NCR3LG1: variants seen among roughly 807,000 people sequenced by gnomAD.
NCR3LG1 encodes natural killer cell cytotoxicity receptor 3 ligand 1.
In NCR3LG1, 35 loss-of-function variants were observed where a neutral mutation model predicts 34.8. The observed-to-expected ratio is 1.01, with a 90% CI of 0.77 to 1.33. NCR3LG1 has a LOEUF of 1.33. NCR3LG1 is among the 40% of genes most tolerant of loss of function. NCR3LG1 has a pLI of 0.00. For synonymous variants in NCR3LG1, 173 were observed against 163.6 expected, an observed-to-expected ratio of 1.06 and a Z score of -0.44; for missense variants, 452 against 423.3, an observed-to-expected ratio of 1.07 and a Z score of -0.60.
rs1953410770 is a variant in NCR3LG1 at position 17,372,019 on chromosome 11, C to A, written c.872C>A (p.Ser291Ter). ...CTCTTTTTCTAGATATGTAACAAAT[C>A]ATCTTCAGCCTATACTCCTCTCAAG... is the stretch of plus-strand genomic sequence containing the variant. ...LIPWKKICNKSSSAYTPLKCI... is the reference protein window; with the variant it reads ...LIPWKKICNK The change falls in exon 5 of 5, where the codon TCA (serine) becomes TAA (stop). Residue 291 changes from serine to a stop codon, truncating the protein, a stop_gained. Transcript: ENST00000338965. LOFTEE classifies it high-confidence loss of function. The A allele has an allele frequency of 1.4e-6, 1 of 698,842 alleles. No homozygotes were observed. Among genetic ancestry groups the A allele is most frequent in the South Asian group, 1.5e-5 (1 of 67,436 alleles). 43.3% of individuals were successfully genotyped at this position (698,842 alleles called of 1,614,324 possible).
downstream of NCR3LG1, among the ~76,000 whole-genome samples, chr11:17,377,898 G>C (rs1953491570): frequency 6.6e-6 from 1 of 152,190 alleles, no homozygotes. Context: ...GCTGAACAAA[G>C]AGGTCTATCA....
chr11:17,380,542 G>C (rs1309168144), downstream of NCR3LG1: 1 of 151,990 alleles, frequency 6.6e-6, no homozygotes, highest in Non-Finnish European at 1.5e-5. Context: ...CCAGAGTGCA[G>C]TGGCACAATC....
At position 17,372,187 on chromosome 11, in the gene NCR3LG1, C is replaced by T; in HGVS notation, c.1040C>T (p.Thr347Ile). 1.4e-6 allele frequency: 1 copy of T among 702,982 alleles called. No homozygotes were observed. Among genetic ancestry groups the T allele is most frequent in the Non-Finnish European group, 2.6e-6 (1 of 385,008 alleles). The allele number at this position is 702,982 out of a possible 1,614,324, so 43.5% of individuals were successfully genotyped here. A position where few individuals can be genotyped will look rare whatever the true frequency, so the allele number is the denominator to read the frequency against. ...CCTGAGGGAAGTGTTAATATTAATA[C>T]TATTCAACAACTAGATGTTTTCTGC... ...WPPEGSVNINTIQQLDVFCRQ... is the reference protein window; with the variant it reads ...WPPEGSVNINIIQQLDVFCRQ... The change falls in exon 5 of 5, where the codon ACT becomes ATT. Residue 347 changes from threonine (T) to isoleucine (I), a missense_variant. Coordinates refer to ENST00000338965, the MANE Select transcript of NCR3LG1 (RefSeq NM_001202439.3).
At chr11:17,362,411 T>C (rs1953278312) in intron 2 of NCR3LG1, among the ~76,000 whole-genome samples, 1 of 152,220 alleles carries the variant, frequency 6.6e-6, no homozygotes, top group Non-Finnish European at 1.5e-5. Context: ...ATGAGTGATA[T>C]TGATCTGTAG....
At position 17,359,846 on chromosome 11, in the gene NCR3LG1, A is replaced by G. The variant is rs552072198; in HGVS notation, c.421+2845A>G. On this transcript the variant is annotated intron_variant, in intron 2 of 4. Coordinates refer to ENST00000338965, the MANE Select transcript of NCR3LG1 (RefSeq NM_001202439.3). ...GCCATTTTAATAAGTATATAGTGGT[A>G]TCTCATTTGTTGTTTTAATTAGCAG... Among the ~76,000 whole-genome samples, 98 of 152,216 alleles carry G rather than the reference A, an allele frequency of 6.4e-4. 1 individual carries two copies. In the South Asian group the frequency reaches 0.015, roughly 24 times the overall value.
chr11:17,378,832 G>C (rs531727068), downstream of NCR3LG1, among the ~76,000 whole-genome samples: 1 of 152,164 alleles, frequency 6.6e-6, no homozygotes, highest in African/African-American at 2.4e-5. Flanking sequence ...CCTTAGACAT[G>C]TCCACAGCTG....
rs1162369399 is a variant in NCR3LG1 at position 17,362,679 on chromosome 11, CCTTCCTTCCTTCCTTT to C, written c.422-4326_422-4311del. ...CTAGTTATTGACTCAGTGTCTCCTT[CCTTCCTTCCTTCCTTT>C]CTTTCTTTCTTTCTTTCTTTCTTTC... On this transcript the variant is annotated intron_variant, in intron 2 of 4. Transcript: ENST00000338965. Among the ~76,000 whole-genome samples the C allele has an allele frequency of 9.5e-4, 65 of 68,320 alleles. 1 individual carries two copies. The highest frequency in any genetic ancestry group is 2.2e-3 in the East Asian group (6 of 2,752). The allele number at this position is 68,320 out of a possible 152,430, so 44.8% of individuals were successfully genotyped here.
At chr11:17,362,760 CT>C (rs1174526711) in intron 2 of NCR3LG1, among the ~76,000 whole-genome samples, 2 of 120,842 alleles carry the variant, frequency 1.7e-5, no homozygotes, top group East Asian at 2.4e-4. Context: ...TTCTTTCTTT[CT>C]TTCTTTCCTT....
rs906549515 is a variant in NCR3LG1 at position 17,372,044 on chromosome 11, G to A, written c.897G>A (p.Lys299=). The A allele has an allele frequency of 2.8e-6, 2 of 702,594 alleles. No homozygotes were observed. Among genetic ancestry groups the A allele is most frequent in the Non-Finnish European group, 5.2e-6 (2 of 384,988 alleles). The allele number at this position is 702,594 out of a possible 1,614,324, so 43.5% of individuals were successfully genotyped here. Residue 299 remains lysine (K), a synonymous_variant, in exon 5 of 5, where the codon AAG becomes AAA. Transcript: ENST00000338965. The part of the protein sequence containing the change: ...NKSSSAYTPL[K]CILKHWNSFD... ...CATCTTCAGCCTATACTCCTCTCAA[G>A]TGCATTCTGAAACACTGGAACTCCT...
intron 1 of NCR3LG1, among the ~76,000 whole-genome samples, chr11:17,355,232 A>G (rs946776824): frequency 6.6e-6 from 1 of 152,094 alleles, no homozygotes; most frequent in Non-Finnish European, 1.5e-5. Flanking sequence ...CTCCATCTCT[A>G]CAAAAAATGA....
intron 1 of NCR3LG1, among the ~76,000 whole-genome samples, chr11:17,352,318 C>T (rs1169246666): frequency 1.3e-5 from 2 of 151,790 alleles, no homozygotes; most frequent in East Asian, 3.9e-4. Flanking sequence ...GTAGCTGGGA[C>T]CACAGGCGCC....
At chr11:17,378,140 CT>C (rs1208316944), downstream of NCR3LG1, among the ~76,000 whole-genome samples, 1 of 152,160 alleles carries the variant, frequency 6.6e-6, no homozygotes, top group Non-Finnish European at 1.5e-5. Context: ...TTCATAAACT[CT>C]TTAGCCTCAG....
chr11:17,355,267 T>A (rs759176254), intron 1 of NCR3LG1, among the ~76,000 whole-genome samples: 11 of 152,032 alleles, frequency 7.2e-5, no homozygotes, highest in Non-Finnish European at 1.6e-4. Flanking sequence ...CATGGTGGCA[T>A]GTGCCTGTAG....
chr11:17,372,860 G>C lies in NCR3LG1; in HGVS notation c.*348G>C, dbSNP rs1288531932. ...CTTGAACAACATAATTCGGACCCCA[G>C]TGGTACCTTAGATGAGTGGCAAAGA... is the stretch of plus-strand genomic sequence containing the variant. On this transcript the variant is annotated 3_prime_UTR_variant, in exon 5 of 5. Transcript: ENST00000338965. The C allele has an allele frequency of 1.4e-5, 3 of 220,686 alleles. No homozygotes were observed. Among genetic ancestry groups the C allele is most frequent in the African/African-American group, 6.8e-5 (3 of 43,888 alleles). The allele number at this position is 220,686 out of a possible 1,614,324, so 13.7% of individuals were successfully genotyped here.
At position 17,356,902 on chromosome 11, in the gene NCR3LG1, C is replaced by T. The variant is rs746298544; in HGVS notation, c.322C>T (p.Arg108Trp). 6.5e-5 allele frequency: 100 copies of T among 1,535,882 alleles called. 1 individual carries two copies. Among genetic ancestry groups the T allele is most frequent in the South Asian group, 2.0e-4 (17 of 84,058 alleles). Reference sequence around the variant, plus strand: ...GCTGAAGAGTGGGGACGCCTCACTGCGGCTGCCTGGAATCCAGCTGGAGGA... The same window carrying T: ...GCTGAAGAGTGGGGACGCCTCACTGTGGCTGCCTGGAATCCAGCTGGAGGA... ...WRLKSGDASL[R>W]LPGIQLEEAG... is the part of the protein sequence containing the mutation. The change falls in exon 2 of 5, where the codon CGG becomes TGG. Residue 108 changes from arginine to tryptophan, a missense_variant. Physicochemically the swap from Arg to Trp is moderately radical, Grantham distance 101 (BLOSUM62 -3). Coordinates refer to ENST00000338965, the MANE Select transcript of NCR3LG1 (RefSeq NM_001202439.3).
intron 2 of NCR3LG1, among the ~76,000 whole-genome samples, chr11:17,359,955 G>T (rs1953252261): frequency 6.6e-6 from 1 of 152,088 alleles, no homozygotes; most frequent in African/African-American, 2.4e-5. Flanking sequence ...TTCATTGGTT[G>T]TCCAGGCTGG....
intron 1 of NCR3LG1, among the ~76,000 whole-genome samples, chr11:17,355,315 T>C (rs1370197882): frequency 6.6e-6 from 1 of 152,108 alleles, no homozygotes; most frequent in East Asian, 1.9e-4. Flanking sequence ...GAGGATCACT[T>C]GAGCCCAGGA....
At position 17,367,240 on chromosome 11, in the gene NCR3LG1, C is replaced by A; in HGVS notation, c.653C>A (p.Ser218Tyr). The change falls in exon 3 of 5, where the codon TCT becomes TAT. Residue 218 changes from serine to tyrosine, a missense_variant. Ser to Tyr is a moderately radical substitution (Grantham distance 144, BLOSUM62 -2). Transcript: ENST00000338965. ...ACTAGCTGCTTGAAGCTGAACTCCTCTCAGGAAGACCCTGGGACTGTCTAC... is the reference window on the plus strand; with the variant it reads ...ACTAGCTGCTTGAAGCTGAACTCCTATCAGGAAGACCCTGGGACTGTCTAC... ...NVTSCLKLNS[S>Y]QEDPGTVYQC... 6.5e-7 allele frequency: 1 copy of A among 1,536,338 alleles called. No individual in the cohort carries two copies. Among genetic ancestry groups the A allele is most frequent in the Non-Finnish European group, 8.7e-7 (1 of 1,146,960 alleles).
chr11:17,357,062 C>G, intron 2 of NCR3LG1, 61 bp downstream of exon 2: 1 of 1,076,668 alleles, frequency 9.3e-7, no homozygotes, highest in East Asian at 2.6e-5. Context: ...AACAACAAAA[C>G]CCACACACCT....
Sources: allele counts gnomAD v4.1 joint callset (sites outside exome capture counted in the v4.1 genomes callset), GRCh38; gene constraint gnomAD v4.1.1; transcripts MANE v1.5; gene names NCBI Gene and HGNC (gene_info 2026-07-23, HGNC 2026-07-21).